The following TPRN variants were observed in gnomAD, a reference collection of about 807,000 sequenced individuals.
TPRN encodes taperin.
Under a neutral mutation model 42.6 loss-of-function variants are expected in TPRN, and 32 were observed. The observed-to-expected ratio is 0.75, with a 90% CI of 0.57 to 1.01. The LOEUF is 1.01. Among genes scored for constraint, TPRN ranks in the 50% least tolerant of loss-of-function variants. The pLI is 0.00. For missense variants in TPRN, 1,095 were observed against 957.5 expected (o/e 1.14, Z -1.90); for synonymous variants, 541 against 445.6 (o/e 1.21, Z -2.70).
At chr9:137,198,255 G>C (rs926504335) in intron 1 of TPRN, among the ~76,000 whole-genome samples, 4 of 152,234 alleles carry the variant, frequency 2.6e-5, no homozygotes, top group African/African-American at 9.6e-5. Context: ...ACAAATACAG[G>C]TGCAGGAATT....
At chr9:137,195,356 G>A (rs1050432221) in intron 1 of TPRN, among the ~76,000 whole-genome samples, 10 of 152,340 alleles carry the variant, frequency 6.6e-5, no homozygotes, top group Non-Finnish European at 1.5e-5. Flanking sequence ...TGGGGTTCCC[G>A]GCTTCAGAAG....
intron 1 of TPRN, among the ~76,000 whole-genome samples, chr9:137,197,265 AT>A: frequency 6.6e-6 from 1 of 152,216 alleles, no homozygotes; most frequent in East Asian, 1.9e-4. Flanking sequence ...CGCCCAGCTA[AT>A]TTTTTTATAT....
rs754661585 is a variant in TPRN, at chr9:137,199,581, A to G, written c.1131T>C (p.Gly377=). The G allele has an allele frequency of 6.4e-7, 1 of 1,555,940 alleles. No individual in the cohort carries two copies. Among genetic ancestry groups the G allele is most frequent in the South Asian group, 1.2e-5 (1 of 85,048 alleles). ...GGGGGCTCTTCCCGAGGGCAGGCGC[A>G]CCATCCCCTCCAGGCACCGGCTGGG... ...LGSQPVPGGD[G]APALGKSPLE... is the part of the protein sequence containing the mutation. Residue 377 remains glycine (G), a synonymous_variant, in exon 1 of 4, where the codon GGT becomes GGC. Coordinates refer to ENST00000409012, the MANE Select transcript of TPRN (RefSeq NM_001128228.3).
At chr9:137,198,041 C>T (rs1834731252) in intron 1 of TPRN, among the ~76,000 whole-genome samples, 2 of 152,194 alleles carry the variant, frequency 1.3e-5, no homozygotes, top group Admixed American at 1.3e-4. Context: ...CATCCCCAGC[C>T]TGGGGAAACT....
Position 137,200,642 on chromosome 9 carries a change from C to G in TPRN, c.70G>C (p.Glu24Gln), listed in dbSNP as rs1834795910. 1 of 1,234,300 alleles carries G rather than the reference C, an allele frequency of 8.1e-7. No homozygotes were observed. Among genetic ancestry groups the G allele is most frequent in the Admixed American group, 3.5e-5 (1 of 28,184 alleles). The allele number at this position is 1,234,300 out of a possible 1,614,324, so 76.5% of individuals were successfully genotyped here. The change falls in exon 1 of 4, where the codon GAG becomes CAG. Residue 24 changes from glutamate to glutamine, a missense_variant. Transcript: ENST00000409012. This position sits in a 1 kb window ranked among gnomAD's most constrained non-coding sequence, Gnocchi z 4.3. Reference protein sequence around the residue: ...AVPAWKREILERKRAKLAALG... With the variant: ...AVPAWKREILQRKRAKLAALG... Reference sequence around the variant, plus strand: ...GCGGCTAGCTTGGCCCGCTTCCGCTCCAGGATCTCACGCTTCCAAGCGGGC... The same window carrying G: ...GCGGCTAGCTTGGCCCGCTTCCGCTGCAGGATCTCACGCTTCCAAGCGGGC...
Position 137,199,276 on chromosome 9 carries a change from G to C in TPRN, c.1436C>G (p.Ala479Gly). ...GGGCCTGGCAGGGTGCAGAGGCCTG[G>C]CAGGGTGCGGGAGGTAGGGTAGTTT... Reference protein sequence around the residue: ...AAKLPYLPHPARPLHPARPGC... With the variant: ...AAKLPYLPHPGRPLHPARPGC... Residue 479 changes from alanine (A) to glycine (G), a missense_variant, in exon 1 of 4, where the codon GCC (alanine) becomes GGC (glycine). Coordinates refer to ENST00000409012, the MANE Select transcript of TPRN (RefSeq NM_001128228.3). 1 of 1,612,628 alleles carries C rather than the reference G, an allele frequency of 6.2e-7. No homozygotes were observed. The highest frequency in any genetic ancestry group is 8.5e-7 in the Non-Finnish European group (1 of 1,179,996).
At chr9:137,196,632 G>A (rs1458573988) in intron 1 of TPRN, among the ~76,000 whole-genome samples, 3 of 152,164 alleles carry the variant, frequency 2.0e-5, no homozygotes, top group African/African-American at 2.4e-5. Flanking sequence ...GGTCAGACAA[G>A]GCCAGGCACA....
In TPRN at chr9:137,197,451, T is replaced by C. The variant is rs117200324; in HGVS notation, c.1725+1536A>G. Among the ~76,000 whole-genome samples the C allele has an allele frequency of 8.1e-3, 1,227 of 152,224 alleles. 69 individuals carry two copies. The South Asian group carries it at 0.14, about 18-fold the overall frequency. On this transcript the variant is annotated intron_variant, in intron 1 of 3. Coordinates refer to ENST00000409012, the MANE Select transcript of TPRN (RefSeq NM_001128228.3). ...GATGGCCAGACTCTAGGCAGTGGCC[T>C]CAAGTCCCAGGAAGAAGCCAGGCTC... is the stretch of plus-strand genomic sequence containing the variant.
Position 137,192,172 on chromosome 9 carries a change from G to A in TPRN, c.2076C>T (p.Leu692=), listed in dbSNP as rs1285069563. ...AGAGGTCATTCTGACTGGCGGGTGT[G>A]AGCTGAAAGTGAGAGGACAGAATGT... is the stretch of plus-strand genomic sequence containing the variant. ...EAEPPPVEAM[L]TPASQNDLSD... The change falls in exon 4 of 4, where the codon CTC becomes CTT. Residue 692 remains leucine (L), a splice_region_variant and synonymous_variant. Transcript: ENST00000409012. 3.1e-6 allele frequency: 5 copies of A among 1,613,434 alleles called. No homozygotes were observed. Among genetic ancestry groups the A allele is most frequent in the Non-Finnish European group, 3.4e-6 (4 of 1,180,012 alleles).
In TPRN at chr9:137,200,535, G is replaced by A; in HGVS notation, c.177C>T (p.Asn59=). The stretch of plus-strand genomic sequence containing the variant: ...GCTCGGCCTCCAGCAGCATGAACGG[G>A]TTCTCGCGCAGCGGGCCCAGGCTCT... ...LAESLGPLRE[N]PFMLLEAERR... is the part of the protein sequence containing the mutation. The change falls in exon 1 of 4, where the codon AAC becomes AAT. Residue 59 remains asparagine, a synonymous_variant. Transcript: ENST00000409012. This position sits in a 1 kb window ranked among gnomAD's most constrained non-coding sequence, Gnocchi z 4.3. The A allele has an allele frequency of 8.6e-7, 1 of 1,167,422 alleles. No homozygotes were observed. Among genetic ancestry groups the A allele is most frequent in the Non-Finnish European group, 1.1e-6 (1 of 946,700 alleles). The allele number at this position is 1,167,422 out of a possible 1,614,324, so 72.3% of individuals were successfully genotyped here. A position where few individuals can be genotyped will look rare whatever the true frequency, so the allele number is the denominator to read the frequency against.
chr9:137,199,921 C>A lies in TPRN; in HGVS notation c.791G>T (p.Ser264Ile). 1 of 408,860 alleles carries A rather than the reference C, an allele frequency of 2.4e-6. No individual in the cohort carries two copies. The highest frequency in any genetic ancestry group is 3.8e-6 in the Non-Finnish European group (1 of 260,102). 25.3% of individuals were successfully genotyped at this position (408,860 alleles called of 1,614,324 possible). A position where few individuals can be genotyped will look rare whatever the true frequency, so the allele number is the denominator to read the frequency against. Residue 264 changes from serine (S) to isoleucine (I), a missense_variant, in exon 1 of 4, where the codon AGC becomes ATC. Transcript: ENST00000409012. ...SGDPSLHPPP[S>I]PGTPSATPAS... ...TGGAGTGGCACTCGGGGTCCCGGGGCTGGGGGGCGGGTGGAGGGAGGGATC... is the reference window on the plus strand; with the variant it reads ...TGGAGTGGCACTCGGGGTCCCGGGGATGGGGGGCGGGTGGAGGGAGGGATC...
chr9:137,199,889 G>A lies in TPRN; in HGVS notation c.823C>T (p.Pro275Ser), dbSNP rs2131354628. Residue 275 changes from proline to serine, a missense_variant, in exon 1 of 4, where the codon CCC becomes TCC. Physicochemically the swap from Pro to Ser is moderately conservative, Grantham distance 74. Transcript: ENST00000409012. ...PGTPSATPAS[P>S]PASATPSQRQ... ...TGGCTAGGAGTGGCACTGGCAGGGG[G>A]TGAGGCTGGAGTGGCACTCGGGGTC... The A allele has an allele frequency of 6.5e-7, 1 of 1,536,160 alleles. No homozygotes were observed.
rs772446189 is a variant in TPRN, at chr9:137,199,160, T to A, written c.1552A>T (p.Ser518Cys). The change falls in exon 1 of 4, where the codon AGT becomes TGT. Residue 518 changes from serine (S) to cysteine (C), a missense_variant. By Grantham distance (112) the Ser-to-Cys change is moderately radical. Coordinates refer to ENST00000409012, the MANE Select transcript of TPRN (RefSeq NM_001128228.3). ...KPGTLQDQHF[S>C]QANREPRPRE... ...GGCCGAGGCTCCCTGTTGGCCTGACTGAAGTGCTGGTCCTGCAGAGTCCCT... is the reference window on the plus strand; with the variant it reads ...GGCCGAGGCTCCCTGTTGGCCTGACAGAAGTGCTGGTCCTGCAGAGTCCCT... 2.7e-5 allele frequency: 43 copies of A among 1,613,138 alleles called. No homozygotes were observed. The highest frequency in any genetic ancestry group is 3.3e-5 in the Non-Finnish European group (39 of 1,180,028).
intron 1 of TPRN, among the ~76,000 whole-genome samples, chr9:137,196,046 A>G (rs1394366242): frequency 6.6e-6 from 1 of 152,150 alleles, no homozygotes; most frequent in Non-Finnish European, 1.5e-5. Flanking sequence ...CACCCCTCGG[A>G]GGCGGGCAAG....
rs1353133686 is a variant in TPRN, at chr9:137,199,610, C to T, written c.1102G>A (p.Gly368Arg). The change falls in exon 1 of 4, where the codon GGA becomes AGA. Residue 368 changes from glycine (G) to arginine (R), a missense_variant. By Grantham distance (125) the Gly-to-Arg change is moderately radical. Transcript: ENST00000409012. ...LGPASPSQEL[G>R]SQPVPGGDGA... ...TCCCCTCCAGGCACCGGCTGGGATC[C>T]GAGCTCCTGGCTCGGGGAGGCCGGG... 3 of 1,558,044 alleles carry T rather than the reference C, an allele frequency of 1.9e-6. No homozygotes were observed. The highest frequency in any genetic ancestry group is 2.6e-6 in the Non-Finnish European group (3 of 1,151,426).
At position 137,200,101 on chromosome 9, in the gene TPRN, G is replaced by C; in HGVS notation, c.611C>G (p.Ser204Cys). The C allele has an allele frequency of 7.6e-7, 1 of 1,317,590 alleles. No individual in the cohort carries two copies. Among genetic ancestry groups the C allele is most frequent in the Non-Finnish European group, 9.6e-7 (1 of 1,037,444 alleles). 81.6% of individuals were successfully genotyped at this position (1,317,590 alleles called of 1,614,324 possible). A position where few individuals can be genotyped will look rare whatever the true frequency, so the allele number is the denominator to read the frequency against. The stretch of plus-strand genomic sequence containing the variant: ...CAGACCCCGGGGGTGGACGGTGAAG[G>C]AGTTGCTGCCGGTCTTCTGGAGGAA... Reference protein sequence around the residue: ...SDFLQKTGSNSFTVHPRGLHR... With the variant: ...SDFLQKTGSNCFTVHPRGLHR... The change falls in exon 1 of 4, where the codon TCC (serine) becomes TGC (cysteine). Residue 204 changes from serine to cysteine, a missense_variant. Ser to Cys is a moderately radical substitution (Grantham distance 112). Coordinates refer to ENST00000409012, the MANE Select transcript of TPRN (RefSeq NM_001128228.3). The surrounding 1 kb of genome is among the most constrained non-coding windows in gnomAD (Gnocchi z 4.3).
intron 1 of TPRN, among the ~76,000 whole-genome samples, chr9:137,196,578 ACT>A (rs1003072906): frequency 5.9e-5 from 9 of 151,834 alleles, no homozygotes; most frequent in African/African-American, 1.9e-4. Context: ...ACAGAGCAAG[ACT>A]CTGTCTCAAA....
rs1464501141 is a variant in TPRN, at chr9:137,191,872, C to T, written c.*240G>A. The T allele has an allele frequency of 3.4e-6, 2 of 593,980 alleles. No individual in the cohort carries two copies. The highest frequency in any genetic ancestry group is 1.8e-5 in the African/African-American group (1 of 54,178). 36.8% of individuals were successfully genotyped at this position (593,980 alleles called of 1,614,324 possible). ...CACCACCCAGCAGGCCCCTGGCACTCACCCACAGGCAGTTCCCCACCCCAC... is the reference window on the plus strand; with the variant it reads ...CACCACCCAGCAGGCCCCTGGCACTTACCCACAGGCAGTTCCCCACCCCAC... On this transcript the variant is annotated 3_prime_UTR_variant, in exon 4 of 4. Coordinates refer to ENST00000409012, the MANE Select transcript of TPRN (RefSeq NM_001128228.3).
chr9:137,200,721 G>T lies in TPRN; in HGVS notation c.-10C>A. On this transcript the variant is annotated 5_prime_UTR_variant, in exon 1 of 4. Transcript: ENST00000409012. The surrounding 1 kb of genome is among the most constrained non-coding windows in gnomAD (Gnocchi z 4.3). ...GCCCCAGGGCGGCCATGCTGCGAAC[G>T]CGGCAGCGGACGGCTGGACTGAGGG... The T allele has an allele frequency of 8.7e-7, 1 of 1,145,294 alleles. No homozygotes were observed. Among genetic ancestry groups the T allele is most frequent in the Non-Finnish European group, 1.1e-6 (1 of 932,708 alleles). 70.9% of individuals were successfully genotyped at this position (1,145,294 alleles called of 1,614,324 possible).
Sources: allele counts gnomAD v4.1 joint callset (sites outside exome capture counted in the v4.1 genomes callset), GRCh38; gene constraint gnomAD v4.1.1; non-coding constraint Gnocchi (gnomAD v3.1); transcripts MANE v1.5; gene names NCBI Gene and HGNC (gene_info 2026-07-23, HGNC 2026-07-21).